The following MGAT5 variants were observed in gnomAD, a reference collection of about 807,000 sequenced individuals.
The protein encoded by MGAT5 is alpha-1,6-mannosylglycoprotein 6-beta-N-acetylglucosaminyltransferase, also known as alpha-1,6-mannosylglycoprotein 6-beta-N-acetylglucosaminyltransferase A.
In MGAT5, 30 loss-of-function variants were observed where a neutral mutation model predicts 94.3. That is an observed-to-expected ratio of 0.32 (90% CI 0.24 to 0.43). MGAT5 has a LOEUF of 0.43. Among genes scored for constraint, MGAT5 ranks in the 20% least tolerant of loss-of-function variants. The pLI, the probability that MGAT5 is intolerant of heterozygous loss-of-function variation, is 1.00. For missense variants in MGAT5, 691 were observed against 905.5 expected, an observed-to-expected ratio of 0.76 and a Z score of 3.04; for synonymous variants, 310 against 322.9, an observed-to-expected ratio of 0.96 and a Z score of 0.43.
At chr2:134,247,494 C>T (rs117961176) in intron 1 of MGAT5, among the ~76,000 whole-genome samples, 1,879 of 151,768 alleles carry the variant, frequency 0.012, 18 homozygotes, top group East Asian at 0.03. Flanking sequence ...TGAGTCTCTG[C>T]GATATAAATT....
chr2:134,280,242 A>G (rs1212522810), intron 2 of MGAT5, among the ~76,000 whole-genome samples: 3 of 152,202 alleles, frequency 2.0e-5, no homozygotes, highest in South Asian at 2.1e-4. Context: ...GAGGGATTCA[A>G]TTAGGGGTGT....
intron 2 of MGAT5, among the ~76,000 whole-genome samples, chr2:134,281,454 G>T (rs1184300361): frequency 1.3e-5 from 2 of 152,208 alleles, no homozygotes; most frequent in Admixed American, 1.3e-4. Context: ...TTGCGCTCAT[G>T]TCTTTTTTGA....
intron 10 of MGAT5, among the ~76,000 whole-genome samples, chr2:134,402,016 C>T (rs1052796895): frequency 6.6e-6 from 1 of 152,182 alleles, no homozygotes; most frequent in African/African-American, 2.4e-5. Context: ...TCTTAAGTCA[C>T]AAAACCAGCT....
chr2:134,362,210 A>G (rs1680140326), intron 9 of MGAT5, 65 bp from the exon 10 acceptor site: 2 of 1,568,512 alleles, frequency 1.3e-6, no homozygotes, highest in Non-Finnish European at 1.7e-6. Flanking sequence ...TGTGTTAAAT[A>G]TGTGATTGTT....
At position 134,268,828 on chromosome 2, in the gene MGAT5, T is replaced by C. The variant is rs1487682043; in HGVS notation, c.242-1558T>C. Among the ~76,000 whole-genome samples the C allele has an allele frequency of 6.6e-6, 1 of 152,178 alleles. No individual in the cohort carries two copies. The highest frequency in any genetic ancestry group is 2.4e-5 in the African/African-American group (1 of 41,436). ...GGTAAGGAAACAGGAATGCCAGAGG[T>C]AGGACTCAAACCTAGGAACTCTGGC... On this transcript the variant is annotated intron_variant, in intron 1 of 15. Transcript: ENST00000281923. The surrounding 1 kb of genome is among the most constrained non-coding windows in gnomAD (Gnocchi z 4.1).
At chr2:134,199,899 A>G (rs555490022) in intron 1 of MGAT5, among the ~76,000 whole-genome samples, 1 of 152,154 alleles carries the variant, frequency 6.6e-6, no homozygotes, top group South Asian at 2.1e-4. Context: ...AGGTTGTGCA[A>G]ATGGCAAGAA....
At chr2:134,380,155 G>T (rs1017127873) in intron 10 of MGAT5, among the ~76,000 whole-genome samples, 13 of 152,114 alleles carry the variant, frequency 8.5e-5, no homozygotes, top group African/African-American at 2.9e-4. Flanking sequence ...GAGATTTTTA[G>T]CACTAAGGGT....
chr2:134,336,784 G>A (rs1476871969), intron 5 of MGAT5, among the ~76,000 whole-genome samples: 3 of 152,152 alleles, frequency 2.0e-5, no homozygotes. Context: ...TCAGGGAGGA[G>A]AGCATGCACG....
intron 1 of MGAT5, among the ~76,000 whole-genome samples, chr2:134,243,847 G>C (rs1682095252): frequency 6.6e-6 from 1 of 152,230 alleles, no homozygotes; most frequent in Non-Finnish European, 1.5e-5. Flanking sequence ...CGAGGTGGAG[G>C]AGAGGGGTAC....
At chr2:134,250,855 C>T (rs1682548073), upstream of MGAT5, among the ~76,000 whole-genome samples, 1 of 152,116 alleles carries the variant, frequency 6.6e-6, no homozygotes. Context: ...CATCTCTTTG[C>T]GCCTCTGATA....
intron 2 of MGAT5, among the ~76,000 whole-genome samples, chr2:134,299,241 T>G (rs1685874719): frequency 6.6e-6 from 1 of 152,222 alleles, no homozygotes; most frequent in Non-Finnish European, 1.5e-5. Flanking sequence ...CTTTGCAGTC[T>G]TTGTAGGTAT....
intron 1 of MGAT5, among the ~76,000 whole-genome samples, chr2:134,239,806 C>A (rs1189565250): frequency 2.0e-5 from 3 of 151,738 alleles, no homozygotes; most frequent in African/African-American, 7.3e-5. Context: ...AAACGTAATA[C>A]AAGAAGATAA....
intron 1 of MGAT5, among the ~76,000 whole-genome samples, chr2:134,190,783 C>G (rs1212855341): frequency 1.3e-5 from 2 of 152,098 alleles, no homozygotes; most frequent in African/African-American, 4.8e-5. Context: ...GTAGCTAGGA[C>G]TACAGGTGCA....
In MGAT5 at chr2:134,452,700, A is replaced by G. The variant is rs867038338; in HGVS notation, c.*3853A>G. On this transcript the variant is annotated 3_prime_UTR_variant, in exon 16 of 16. Transcript: ENST00000281923. ...ATTCTTGATTTAAAAAGAAAAGTCT[A>G]TTTTGTTAACGACAGGCTCTGTTGT... 1.3e-5 allele frequency: 2 copies of G among 152,176 alleles called. No homozygotes were observed. Among genetic ancestry groups the G allele is most frequent in the East Asian group, 3.9e-4 (2 of 5,192 alleles). The allele number at this position is 152,176 out of a possible 1,614,324, so 9.4% of individuals were successfully genotyped here. A position where few individuals can be genotyped will look rare whatever the true frequency, so the allele number is the denominator to read the frequency against.
intron 2 of MGAT5, among the ~76,000 whole-genome samples, chr2:134,290,818 T>A (rs78736626): frequency 6.9e-6 from 1 of 144,492 alleles, no homozygotes; most frequent in Non-Finnish European, 1.5e-5. Context: ...TTAAAAAAAA[T>A]TTACAAAGCA....
chr2:134,330,187 C>A (rs975113133), intron 4 of MGAT5, among the ~76,000 whole-genome samples: 1 of 152,076 alleles, frequency 6.6e-6, no homozygotes, highest in Non-Finnish European at 1.5e-5. Flanking sequence ...TCTTTCAGAT[C>A]TTATAGGATA....
intron 1 of MGAT5, among the ~76,000 whole-genome samples, chr2:134,222,261 G>A (rs983054838): frequency 1.4e-4 from 14 of 101,156 alleles, no homozygotes; most frequent in African/African-American, 5.2e-4. Flanking sequence ...TGTTAATATA[G>A]TAACAAATAT....
chr2:134,394,645 G>C (rs1415337085), intron 10 of MGAT5, among the ~76,000 whole-genome samples: 1 of 152,098 alleles, frequency 6.6e-6, no homozygotes, highest in Non-Finnish European at 1.5e-5. Context: ...TTACTGATGT[G>C]ATTGGGTGGT....
chr2:134,312,349 T>G (rs757825559), intron 2 of MGAT5, among the ~76,000 whole-genome samples: 7 of 152,314 alleles, frequency 4.6e-5, no homozygotes, highest in African/African-American at 7.2e-5. Context: ...GCCATGTCCC[T>G]TCTCCCAGCA....
Sources: allele counts gnomAD v4.1 joint callset (sites outside exome capture counted in the v4.1 genomes callset), GRCh38; gene constraint gnomAD v4.1.1; non-coding constraint Gnocchi (gnomAD v3.1); transcripts MANE v1.5; gene names NCBI Gene and HGNC (gene_info 2026-07-23, HGNC 2026-07-21).